YEATS4: variants seen among roughly 807,000 people sequenced by gnomAD.
YEATS4 encodes the protein YEATS domain containing 4.
In YEATS4, 17 loss-of-function variants were observed where a neutral mutation model predicts 30.1. The ratio of observed to expected loss-of-function variants is 0.56; its 90% confidence interval spans 0.39 to 0.85. The LOEUF (loss-of-function observed/expected upper bound fraction) is 0.85. Among genes scored for constraint, YEATS4 ranks in the 40% least tolerant of loss-of-function variants. The pLI, the probability that YEATS4 is intolerant of heterozygous loss-of-function variation, is 0.00. For synonymous variants in YEATS4, 85 were observed against 87.5 expected, an observed-to-expected ratio of 0.97 and a Z score of 0.16; for missense variants, 142 against 268.3, an observed-to-expected ratio of 0.53 and a Z score of 3.29.
rs920788223 is a variant in YEATS4 at position 69,370,771 on chromosome 12, A to C, written c.399A>C (p.Thr133=). 6.3e-7 allele frequency: 1 copy of C among 1,599,174 alleles called. No individual in the cohort carries two copies. Residue 133 remains threonine (T), a synonymous_variant, in exon 5 of 7, where the codon ACA becomes ACC. Coordinates refer to ENST00000247843, the MANE Select transcript of YEATS4 (RefSeq NM_006530.4). ...SDTNAMLGKK[T]VVSEFYDEMI... is the part of the protein sequence containing the mutation. Reference sequence around the variant, plus strand: ...CCAATGCAATGCTGGGGAAAAAGACAGTGGTTTCAGAGTTCTATGATGAAA... The same window carrying C: ...CCAATGCAATGCTGGGGAAAAAGACCGTGGTTTCAGAGTTCTATGATGAAA...
At chr12:69,401,567 G>A in the YEATS4 span, among the ~76,000 whole-genome samples, 15 of 152,326 alleles carry the variant, frequency 9.8e-5, no homozygotes, top group Admixed American at 6.5e-4. Flanking sequence ...CCCATGGCCC[G>A]ATGGCAATCT....
At chr12:69,408,810 G>A in the YEATS4 span, among the ~76,000 whole-genome samples, 1 of 152,194 alleles carries the variant, frequency 6.6e-6, no homozygotes, top group African/African-American at 2.4e-5. Flanking sequence ...TCCTCTCACA[G>A]CTATTTTTGG....
At chr12:69,399,143 TC>T in the YEATS4 span, among the ~76,000 whole-genome samples, 2 of 145,370 alleles carry the variant, frequency 1.4e-5, no homozygotes, top group South Asian at 2.2e-4. Context: ...TGAGACTCCG[TC>T]CCCCCCAAAA....
intron 6 of YEATS4, among the ~76,000 whole-genome samples, chr12:69,386,494 AC>A (rs1182550841): frequency 6.6e-6 from 1 of 152,060 alleles, no homozygotes; most frequent in Admixed American, 6.6e-5. Context: ...CATAAAACTC[AC>A]CCTTTCTACT....
the YEATS4 span, among the ~76,000 whole-genome samples, chr12:69,414,527 G>A: frequency 1.3e-5 from 2 of 152,278 alleles, no homozygotes; most frequent in East Asian, 1.9e-4. Flanking sequence ...CACCATGCCC[G>A]AAGAGTACAT....
chr12:69,375,380 G>A (rs1203084039), intron 6 of YEATS4, among the ~76,000 whole-genome samples: 6 of 151,638 alleles, frequency 4.0e-5, no homozygotes, highest in Non-Finnish European at 7.4e-5. Context: ...CTTCCTAGAC[G>A]GGATGACGGC....
At chr12:69,380,359 G>T (rs1271883145) in intron 6 of YEATS4, among the ~76,000 whole-genome samples, 1 of 152,236 alleles carries the variant, frequency 6.6e-6, no homozygotes, top group African/African-American at 2.4e-5. Context: ...AGATTTGTAG[G>T]GTACGACTTT....
the YEATS4 span, among the ~76,000 whole-genome samples, chr12:69,414,608 T>A: frequency 6.6e-6 from 1 of 152,190 alleles, no homozygotes; most frequent in Non-Finnish European, 1.5e-5. Flanking sequence ...AGATTCAGAT[T>A]CCACAAACTC....
intron 1 of YEATS4, among the ~76,000 whole-genome samples, chr12:69,362,020 T>TC (rs1875237857): frequency 7.0e-6 from 1 of 142,538 alleles, no homozygotes. Flanking sequence ...GTTGTTTTTT[T>TC]TTTTTTTTTT....
the YEATS4 span, among the ~76,000 whole-genome samples, chr12:69,407,702 C>CTTTTTTTT: frequency 4.2e-3 from 261 of 62,646 alleles, 1 homozygote; most frequent in Non-Finnish European, 4.8e-3. Context: ...TACTTTTTGT[C>CTTTTTTTT]TTTTTTTTTT....
chr12:69,363,674 C>T (rs1875321792), intron 2 of YEATS4, among the ~76,000 whole-genome samples: 1 of 152,180 alleles, frequency 6.6e-6, no homozygotes, highest in East Asian at 1.9e-4. Context: ...ACATAGTAGG[C>T]ATTTAACAGA....
chr12:69,375,806 G>C (rs1452963747), intron 6 of YEATS4, among the ~76,000 whole-genome samples: 1 of 152,140 alleles, frequency 6.6e-6, no homozygotes, highest in African/African-American at 2.4e-5. Flanking sequence ...GCAGGCTGAG[G>C]CAGGAGAATC....
intron 6 of YEATS4, among the ~76,000 whole-genome samples, chr12:69,384,477 C>G (rs1458471684): frequency 6.6e-6 from 1 of 152,008 alleles, no homozygotes; most frequent in Non-Finnish European, 1.5e-5. Flanking sequence ...TTAACAGTAC[C>G]AAATCAATAA....
the YEATS4 span, among the ~76,000 whole-genome samples, chr12:69,410,092 G>A: frequency 6.6e-6 from 1 of 152,154 alleles, no homozygotes; most frequent in Non-Finnish European, 1.5e-5. Flanking sequence ...TATTATGGCA[G>A]CCCTAGCAAA....
At chr12:69,426,575 T>C in the YEATS4 span, among the ~76,000 whole-genome samples, 1 of 152,182 alleles carries the variant, frequency 6.6e-6, no homozygotes, top group African/African-American at 2.4e-5. Context: ...TTTATCATAT[T>C]AGTCACGCTG....
chr12:69,419,323 A>G, the YEATS4 span, among the ~76,000 whole-genome samples: 136 of 149,758 alleles, frequency 9.1e-4, no homozygotes, highest in African/African-American at 3.3e-3. Context: ...TGGGCTCAAG[A>G]CATCCTCTTT....
At chr12:69,417,908 TA>T in the YEATS4 span, among the ~76,000 whole-genome samples, 6,229 of 149,450 alleles carry the variant, frequency 0.042, 187 homozygotes, top group Non-Finnish European at 0.065. Context: ...AAATGCCCCT[TA>T]AAAAAACTGC....
the YEATS4 span, among the ~76,000 whole-genome samples, chr12:69,412,259 G>A: frequency 6.6e-6 from 1 of 152,158 alleles, no homozygotes; most frequent in African/African-American, 2.4e-5. Flanking sequence ...TGGATGGAAG[G>A]TTCCCTGCAG....
intron 6 of YEATS4, among the ~76,000 whole-genome samples, chr12:69,387,744 A>G (rs866040175): frequency 6.6e-6 from 1 of 152,328 alleles, no homozygotes. Flanking sequence ...TATGCTTTGT[A>G]TATCAGCAGA....
Sources: gnomAD v4.1 joint callset for allele counts (sites outside exome capture counted in the v4.1 genomes callset) on GRCh38, gnomAD v4.1.1 for gene constraint, MANE v1.5 for transcripts, NCBI Gene and HGNC (gene_info 2026-07-23, HGNC 2026-07-21) for gene names.